GAD2: variants seen among roughly 807,000 people sequenced by gnomAD.
GAD2 encodes the protein glutamate decarboxylase 2, also known as 65 kDa glutamic acid decarboxylase.
GAD2 carries 22 observed loss-of-function variants against 80.1 expected under a neutral mutation model. The ratio of observed to expected loss-of-function variants is 0.27; its 90% CI spans 0.20 to 0.39. The LOEUF is 0.39. Among genes scored for constraint, GAD2 ranks in the 10% least tolerant of loss-of-function variants. The pLI is 1.00. For missense variants in GAD2, 624 were observed against 738.4 expected (o/e 0.85, Z 1.80); for synonymous variants, 274 against 256.9 (o/e 1.07, Z -0.64).
chr10:26,301,484 AG>A lies in GAD2; in HGVS notation c.*524del, dbSNP rs2060055270. ...AAAAGGAAAATATATATATTAAAAA[AG>A]ATATCCTATTTTGTAACATATAGAT... On this transcript the variant is annotated 3_prime_UTR_variant, in exon 16 of 16. Coordinates refer to ENST00000376261, the MANE Select transcript of GAD2 (RefSeq NM_001134366.2). 6.6e-6 allele frequency: 1 copy of A among 152,132 alleles called. No individual in the cohort carries two copies. The allele number at this position is 152,132 out of a possible 1,614,324, so 9.4% of individuals were successfully genotyped here.
intron 5 of GAD2, 81 bp downstream of exon 5, chr10:26,224,058 C>A (rs920824380): frequency 1.9e-6 from 2 of 1,038,162 alleles, no homozygotes; most frequent in Non-Finnish European, 1.4e-6. Flanking sequence ...ATGTGAAAAT[C>A]TGTTTTTTAT....
At chr10:26,257,957 G>C (rs576051043) in intron 8 of GAD2, among the ~76,000 whole-genome samples, 88 of 152,282 alleles carry the variant, frequency 5.8e-4, no homozygotes, top group Non-Finnish European at 5.6e-4. Context: ...GATTATTCCT[G>C]AGCAGGGCTG....
chr10:26,269,006 G>A (rs1845102880), intron 8 of GAD2, 113 bp from the exon 9 acceptor site: 3 of 655,188 alleles, frequency 4.6e-6, no homozygotes, highest in South Asian at 2.5e-5. Flanking sequence ...TGTTTTCTCC[G>A]AGTATTGTTA....
Position 26,250,966 on chromosome 10 carries a change from G to A in GAD2, c.920+4966G>A, listed in dbSNP as rs373700991. Among the ~76,000 whole-genome samples, 164 of 140,332 alleles carry A rather than the reference G, an allele frequency of 1.2e-3. 1 individual carries two copies. The highest frequency in any genetic ancestry group is 3.8e-3 in the African/African-American group (142 of 37,266). The allele number at this position is 140,332 out of a possible 152,430, so 92.1% of individuals were successfully genotyped here. A position where few individuals can be genotyped will look rare whatever the true frequency, so the allele number is the denominator to read the frequency against. On this transcript the variant is annotated intron_variant, in intron 8 of 15. Transcript: ENST00000376261. The stretch of plus-strand genomic sequence containing the variant: ...GTGATCTCAGCTCACTGCAAGCTCC[G>A]CTTCCTGGATTCACGCCATTCTCCC...
intron 6 of GAD2, among the ~76,000 whole-genome samples, chr10:26,227,423 A>G (rs760198802): frequency 2.0e-5 from 3 of 152,240 alleles, no homozygotes; most frequent in Non-Finnish European, 2.9e-5. Context: ...GCCAGAGGAC[A>G]GCTGAGTTGC....
rs541491238 is a variant in GAD2, at chr10:26,217,683, G to C, written c.136+14G>C. ...ACAAACTGTGCGGTGAGTGCCCAGG[G>C]ACCGGGGCGGCCAAGGTCGGCCCGC... On this transcript the variant is annotated intron_variant, in intron 2 of 15. Coordinates refer to ENST00000376261, the MANE Select transcript of GAD2 (RefSeq NM_001134366.2). This position sits in a 1 kb window ranked among gnomAD's most constrained non-coding sequence, Gnocchi z 4.9. 6.2e-7 allele frequency: 1 copy of C among 1,612,768 alleles called. No homozygotes were observed. The highest frequency in any genetic ancestry group is 8.5e-7 in the Non-Finnish European group (1 of 1,179,416).
In GAD2 at chr10:26,217,723, C is replaced by G; in HGVS notation, c.136+54C>G. The G allele has an allele frequency of 6.3e-7, 1 of 1,599,472 alleles. No individual in the cohort carries two copies. The highest frequency in any genetic ancestry group is 2.3e-5 in the East Asian group (1 of 44,336). ...GGTCGGCCCGCGGGGTCCAAGCAGT[C>G]TTCTCACCTCCGCATCCCAGTCAGC... On this transcript the variant is annotated intron_variant, in intron 2 of 15. Transcript: ENST00000376261. The surrounding 1 kb of genome is among the most constrained non-coding windows in gnomAD (Gnocchi z 4.9).
chr10:26,234,325 CA>C (rs34166651), intron 7 of GAD2, among the ~76,000 whole-genome samples: 22 of 68,844 alleles, frequency 3.2e-4, no homozygotes, highest in Non-Finnish European at 4.0e-4. Flanking sequence ...GAGACTCCGT[CA>C]AAAAAAAAAG....
Position 26,294,335 on chromosome 10 carries a change from G to C in GAD2, c.1584+1344G>C, listed in dbSNP as rs115682851. 1.6e-3 allele frequency among the ~76,000 whole-genome samples: 246 copies of C among 152,076 alleles called. 1 individual carries two copies. Among genetic ancestry groups the C allele is most frequent in the African/African-American group, 5.4e-3 (225 of 41,452 alleles). On this transcript the variant is annotated intron_variant, in intron 15 of 15. Transcript: ENST00000376261. Reference sequence around the variant, plus strand: ...GTGTAGATATAAAACCTTCACTAAAGCTTTTATGTGTTAACATCTGTCCTT... The same window carrying C: ...GTGTAGATATAAAACCTTCACTAAACCTTTTATGTGTTAACATCTGTCCTT...
intron 11 of GAD2, among the ~76,000 whole-genome samples, chr10:26,274,950 C>T (rs1252511685): frequency 2.0e-5 from 3 of 152,226 alleles, no homozygotes; most frequent in African/African-American, 7.2e-5. Flanking sequence ...GCCACCCAAG[C>T]TCTGATTGCA....
intron 8 of GAD2, among the ~76,000 whole-genome samples, chr10:26,256,152 T>C (rs972775102): frequency 6.6e-5 from 10 of 152,166 alleles, no homozygotes; most frequent in African/African-American, 2.4e-4. Flanking sequence ...TCTGACACAT[T>C]TGCTTTCTCT....
At chr10:26,249,961 C>T (rs188993139) in intron 8 of GAD2, among the ~76,000 whole-genome samples, 6 of 151,850 alleles carry the variant, frequency 4.0e-5, no homozygotes, top group Admixed American at 1.3e-4. Flanking sequence ...GGAGAGCCGG[C>T]GGGACCTACG....
chr10:26,268,937 T>C (rs886220890), intron 8 of GAD2, among the ~76,000 whole-genome samples, 182 bp from the exon 9 acceptor site: 1 of 152,152 alleles, frequency 6.6e-6, no homozygotes, highest in Non-Finnish European at 1.5e-5. Context: ...GTGCCAGAAA[T>C]GATAGTCATG....
In GAD2 at chr10:26,303,489, A is replaced by AGGAAGGAC; in HGVS notation, c.*2528_*2529insGGAAGGAC. 7.1e-6 allele frequency: 1 copy of AGGAAGGAC among 140,732 alleles called. No homozygotes were observed. Among genetic ancestry groups the AGGAAGGAC allele is most frequent in the African/African-American group, 2.6e-5 (1 of 39,084 alleles). 8.7% of individuals were successfully genotyped at this position (140,732 alleles called of 1,614,324 possible). On this transcript the variant is annotated 3_prime_UTR_variant, in exon 16 of 16. Transcript: ENST00000376261. ...GAGGGAAGGAGGGAGGGAGGAAGGA[A>AGGAAGGAC]ATGAAGGGAGGGAGGGAGGGAGGAA... is the stretch of plus-strand genomic sequence containing the variant.
At chr10:26,300,466 C>T (rs1393059941) in intron 15 of GAD2, among the ~76,000 whole-genome samples, 1 of 152,094 alleles carries the variant, frequency 6.6e-6, no homozygotes, top group Admixed American at 6.6e-5. Flanking sequence ...TGCCCCCAAA[C>T]GTCTTGCTAA....
chr10:26,220,095 A>G (rs954786171), intron 4 of GAD2, among the ~76,000 whole-genome samples: 16 of 152,194 alleles, frequency 1.1e-4, no homozygotes, highest in Admixed American at 2.0e-4. Context: ...ACACAAAGTC[A>G]GCCATTCATC....
intron 15 of GAD2, among the ~76,000 whole-genome samples, chr10:26,294,834 T>C (rs1180533428): frequency 6.6e-6 from 1 of 152,148 alleles, no homozygotes; most frequent in Non-Finnish European, 1.5e-5. Context: ...CTGCTGTCAT[T>C]TGAGAGGAAA....
chr10:26,277,538 C>T (rs1210466278), intron 11 of GAD2, among the ~76,000 whole-genome samples: 1 of 152,144 alleles, frequency 6.6e-6, no homozygotes, highest in Non-Finnish European at 1.5e-5. Flanking sequence ...ATTAACTCTG[C>T]ATTAGAGAGG....
chr10:26,288,847 A>G (rs1010811444), intron 13 of GAD2, among the ~76,000 whole-genome samples: 4 of 152,170 alleles, frequency 2.6e-5, no homozygotes, highest in Non-Finnish European at 4.4e-5. Flanking sequence ...GGGGCAGCAC[A>G]GTTTCTTAGA....
Sources: allele counts gnomAD v4.1 joint callset (sites outside exome capture counted in the v4.1 genomes callset), GRCh38; gene constraint gnomAD v4.1.1; non-coding constraint Gnocchi (gnomAD v3.1); transcripts MANE v1.5; gene names NCBI Gene and HGNC (gene_info 2026-07-23, HGNC 2026-07-21).